The following PDE6A variants were observed in gnomAD, a reference collection of about 807,000 sequenced individuals.
The protein encoded by PDE6A is rod cGMP-specific 3',5'-cyclic phosphodiesterase subunit alpha.
Under a neutral mutation model 106.3 loss-of-function variants are expected in PDE6A, and 84 were observed. That is an observed-to-expected ratio of 0.79 (90% CI 0.66 to 0.95). PDE6A has a LOEUF of 0.95. Among genes scored for constraint, PDE6A ranks in the 40% least tolerant of loss-of-function variants. The probability of loss-of-function intolerance (pLI) is 0.00; values close to 1 mark genes in which losing one functional copy is unlikely to be tolerated. For missense variants in PDE6A, 1,052 were observed against 1,084.9 expected (o/e 0.97, Z 0.43); for synonymous variants, 394 against 386.6 (o/e 1.02, Z -0.23).
intron 20 of PDE6A, among the ~76,000 whole-genome samples, chr5:149,865,827 T>C (rs565452565): frequency 6.6e-6 from 1 of 152,338 alleles, no homozygotes; most frequent in South Asian, 2.1e-4. Context: ...AAGTCCAGAT[T>C]ATCTTTTCAC....
intron 16 of PDE6A, 149 bp from the exon 17 acceptor site, chr5:149,883,685 C>T: frequency 1.4e-6 from 1 of 697,172 alleles, no homozygotes; most frequent in South Asian, 1.5e-5. Context: ...GGAGTGAAGA[C>T]CTAGGTTTAA....
intron 4 of PDE6A, among the ~76,000 whole-genome samples, chr5:149,922,767 T>C (rs1327733256): frequency 6.6e-6 from 1 of 152,172 alleles, no homozygotes; most frequent in Non-Finnish European, 1.5e-5. Context: ...ATATGGACAA[T>C]AGACCTATAT....
chr5:149,909,780 T>C (rs1191001178), intron 6 of PDE6A, among the ~76,000 whole-genome samples: 1 of 152,244 alleles, frequency 6.6e-6, no homozygotes, highest in African/African-American at 2.4e-5. Flanking sequence ...TATTTTCATA[T>C]CTTTCAGCTC....
rs1486917027 is a variant in PDE6A, at chr5:149,858,630, A to C, written c.*2265T>G. ...TGTCTACAAAGATAGGTTTTAAAAA[A>C]TTAGCTGGGCATGGTGGTGCATGCC... is the stretch of plus-strand genomic sequence containing the variant. On this transcript the variant is annotated 3_prime_UTR_variant, in exon 22 of 22. Transcript: ENST00000255266. 1 of 152,068 alleles carries C rather than the reference A, an allele frequency of 6.6e-6. No individual in the cohort carries two copies. The highest frequency in any genetic ancestry group is 1.5e-5 in the Non-Finnish European group (1 of 68,038). The allele number at this position is 152,068 out of a possible 1,614,324, so 9.4% of individuals were successfully genotyped here.
At position 149,871,681 on chromosome 5, in the gene PDE6A, G is replaced by A. The variant is rs142074770; in HGVS notation, c.2136-3523C>T. Among the ~76,000 whole-genome samples, 57 of 152,264 alleles carry A rather than the reference G, an allele frequency of 3.7e-4. No individual in the cohort carries two copies. The East Asian group carries it at 9.1e-3, about 24-fold the overall frequency. On this transcript the variant is annotated intron_variant, in intron 17 of 21. Transcript: ENST00000255266. ...GCGGCCCATGCAGAGCCCAGGCGCCGCTGCGAGGGGATGGTTTTCATGCTA... is the reference window on the plus strand; with the variant it reads ...GCGGCCCATGCAGAGCCCAGGCGCCACTGCGAGGGGATGGTTTTCATGCTA...
Position 149,883,501 on chromosome 5 carries a change from G to A in PDE6A, c.2063C>T (p.Ser688Phe). 6.2e-7 allele frequency: 1 copy of A among 1,613,580 alleles called. No homozygotes were observed. The highest frequency in any genetic ancestry group is 8.5e-7 in the Non-Finnish European group (1 of 1,179,524). The change falls in exon 17 of 22, where the codon TCT (serine) becomes TTT (phenylalanine). Residue 688 changes from serine (S) to phenylalanine (F), a missense_variant. Ser to Phe is a radical substitution (Grantham distance 155). Transcript: ENST00000255266. ...RTMFQKIVDQSKTYESEQEWT... is the reference protein window; with the variant it reads ...RTMFQKIVDQFKTYESEQEWT... ...CTCCTGTTCACTCTCATATGTCTTA[G>A]ACTGATCCACGATCTTTTGGAACAT...
chr5:149,928,231 A>ATATATATATTTTTT, intron 4 of PDE6A, among the ~76,000 whole-genome samples: 4 of 19,742 alleles, frequency 2.0e-4, no homozygotes, highest in African/African-American at 9.6e-4. Flanking sequence ...ATATATATAT[A>ATATATATATTTTTT]TTTTTTTTTT....
chr5:149,906,190 G>C (rs1408433185), intron 7 of PDE6A, among the ~76,000 whole-genome samples: 1 of 151,810 alleles, frequency 6.6e-6, no homozygotes, highest in African/African-American at 2.4e-5. Flanking sequence ...AATTGACTAT[G>C]TGAATCTCCT....
intron 4 of PDE6A, among the ~76,000 whole-genome samples, chr5:149,923,570 TAACATAACA>T (rs1274323124): frequency 1.7e-3 from 82 of 49,114 alleles, no homozygotes; most frequent in South Asian, 7.7e-3. Flanking sequence ...TAACATAACA[TAACATAACA>T]AACAACAACA....
intron 13 of PDE6A, among the ~76,000 whole-genome samples, chr5:149,892,220 A>G (rs750735995): frequency 5.3e-5 from 8 of 152,066 alleles, no homozygotes; most frequent in Non-Finnish European, 1.0e-4. Flanking sequence ...GGAGGCTGAG[A>G]TGGGAGGATC....
intron 12 of PDE6A, 30 bp downstream of exon 12, chr5:149,896,326 G>A: frequency 6.4e-7 from 1 of 1,570,402 alleles, no homozygotes; most frequent in Non-Finnish European, 8.8e-7. Context: ...AATTAAAAAG[G>A]GAAATCATAT....
At chr5:149,944,095 T>A in intron 1 of PDE6A, 105 bp downstream of exon 1, 1 of 804,586 alleles carries the variant, frequency 1.2e-6, no homozygotes, top group South Asian at 1.4e-5. Flanking sequence ...AAGCACCATG[T>A]TGTCACCAGC....
At chr5:149,884,443 G>T in intron 16 of PDE6A, 36 bp downstream of exon 16, 1 of 1,307,172 alleles carries the variant, frequency 7.7e-7, no homozygotes, top group East Asian at 2.3e-5. Context: ...TATAATCATT[G>T]TTGCTTTTAC....
At chr5:149,882,142 G>A (rs1274804280) in intron 17 of PDE6A, among the ~76,000 whole-genome samples, 1 of 152,008 alleles carries the variant, frequency 6.6e-6, no homozygotes. Flanking sequence ...ACTGTGGGCT[G>A]AGCATGCCCC....
chr5:149,928,962 A>C (rs533141422), intron 4 of PDE6A, among the ~76,000 whole-genome samples: 8 of 152,356 alleles, frequency 5.3e-5, no homozygotes, highest in Admixed American at 2.6e-4. Context: ...CCACATGCTC[A>C]CCAGAATGGC....
chr5:149,904,196 G>A (rs1435998679), intron 7 of PDE6A, among the ~76,000 whole-genome samples: 7 of 152,176 alleles, frequency 4.6e-5, no homozygotes, highest in Admixed American at 1.3e-4. Flanking sequence ...GCAGTGAGCC[G>A]AGATCGTGCC....
chr5:149,903,620 C>T, intron 8 of PDE6A, 28 bp downstream of exon 8: 4 of 1,587,454 alleles, frequency 2.5e-6, no homozygotes, highest in Non-Finnish European at 3.5e-6. Context: ...AATCATATGA[C>T]TAAGACTGCA....
intron 17 of PDE6A, among the ~76,000 whole-genome samples, chr5:149,872,042 C>T (rs1033088195): frequency 6.6e-6 from 1 of 152,116 alleles, no homozygotes; most frequent in Non-Finnish European, 1.5e-5. Context: ...ATATTGTATG[C>T]TCAGAAATGT....
chr5:149,922,156 C>T (rs1357338441), intron 4 of PDE6A, among the ~76,000 whole-genome samples: 1 of 151,956 alleles, frequency 6.6e-6, no homozygotes, highest in Admixed American at 6.5e-5. Context: ...CATCTATTAA[C>T]AATGATGTTA....
Sources: allele counts gnomAD v4.1 joint callset (sites outside exome capture counted in the v4.1 genomes callset), GRCh38; gene constraint gnomAD v4.1.1; transcripts MANE v1.5; gene names NCBI Gene and HGNC (gene_info 2026-07-23, HGNC 2026-07-21).